Variants in HEXIM2 observed in about 807,000 individuals in gnomAD.
The protein encoded by HEXIM2 is protein HEXIM2.
For missense variants in HEXIM2, 413 were observed against 390.8 expected, an observed-to-expected ratio of 1.06 and a Z score of -0.48; for synonymous variants, 159 against 162.7, an observed-to-expected ratio of 0.98 and a Z score of 0.17.
Position 45,170,003 on chromosome 17 carries a change from A to G in HEXIM2, c.*194A>G, listed in dbSNP as rs1897400245. On this transcript the variant is annotated 3_prime_UTR_variant, in exon 4 of 4. Coordinates refer to ENST00000589230, the MANE Select transcript of HEXIM2 (RefSeq NM_001303441.2). ...GCTCTTTTGTGTCATCTTACCCTTT[A>G]CAGAGAAATTAAATGGCCTTGGTGG... 6.4e-6 allele frequency: 3 copies of G among 467,010 alleles called. No individual in the cohort carries two copies. Among genetic ancestry groups the G allele is most frequent in the Non-Finnish European group, 1.1e-5 (3 of 269,968 alleles). The allele number at this position is 467,010 out of a possible 1,614,324, so 28.9% of individuals were successfully genotyped here.
chr17:45,168,897 A>C, intron 3 of HEXIM2, 118 bp from the exon 4 acceptor site: 1 of 969,916 alleles, frequency 1.0e-6, no homozygotes, highest in African/African-American at 1.6e-5. Flanking sequence ...TGAGGGGCTA[A>C]GAGTGACCAA....
In HEXIM2 at chr17:45,169,359, C is replaced by G. The variant is rs371493294; in HGVS notation, c.411C>G (p.Pro137=). The G allele has an allele frequency of 3.7e-6, 6 of 1,613,800 alleles. No individual in the cohort carries two copies. In the African/African-American group the frequency reaches 8.0e-5, roughly 22 times the overall value. ...VREEMFAKGQ[P]VAPYNTTQFL... ...AAGAGATGTTCGCCAAAGGCCAGCCCGTGGCCCCCTACAACACCACCCAGT... is the reference window on the plus strand; with the variant it reads ...AAGAGATGTTCGCCAAAGGCCAGCCGGTGGCCCCCTACAACACCACCCAGT... Residue 137 remains proline (P), a synonymous_variant, in exon 4 of 4, where the codon CCC becomes CCG. Coordinates refer to ENST00000589230, the MANE Select transcript of HEXIM2 (RefSeq NM_001303441.2).
chr17:45,169,600 C>A lies in HEXIM2; in HGVS notation c.652C>A (p.Leu218Met). ...CAAGCAGGAGCTGGTGCGAGACTAC[C>A]TGGAGCTGGAGAAGCGGCTGTCGCA... ...RSKQELVRDY[L>M]ELEKRLSQAE... is the part of the protein sequence containing the mutation. Residue 218 changes from leucine (L) to methionine (M), a missense_variant, in exon 4 of 4, where the codon CTG becomes ATG. By Grantham distance (15) the Leu-to-Met change is conservative (BLOSUM62 2). Transcript: ENST00000589230. The A allele has an allele frequency of 6.5e-7, 1 of 1,540,826 alleles. No homozygotes were observed. Among genetic ancestry groups the A allele is most frequent in the Non-Finnish European group, 8.8e-7 (1 of 1,141,958 alleles).
intron 3 of HEXIM2, among the ~76,000 whole-genome samples, chr17:45,165,985 C>T (rs1391966827): frequency 5.3e-5 from 8 of 150,938 alleles, no homozygotes; most frequent in East Asian, 2.0e-4. Context: ...TTAGTAGAGA[C>T]GGGGTTTGGC....
chr17:45,161,520 G>GATCTACACCGAA, upstream of HEXIM2: 3 of 161,750 alleles, frequency 1.9e-5, no homozygotes, highest in Admixed American at 1.2e-4. Flanking sequence ...TGGCCGCCGA[G>GATCTACACCGAA]CTTCTCGTCG....
intron 3 of HEXIM2, among the ~76,000 whole-genome samples, chr17:45,167,709 C>G (rs1262881536): frequency 6.6e-6 from 1 of 151,548 alleles, no homozygotes; most frequent in Non-Finnish European, 1.5e-5. Flanking sequence ...TCACTGCAAG[C>G]TCCGCGTCCC....
chr17:45,167,562 T>C (rs2042891548), intron 3 of HEXIM2, among the ~76,000 whole-genome samples: 1 of 152,210 alleles, frequency 6.6e-6, no homozygotes, highest in Middle Eastern at 3.2e-3. Flanking sequence ...TGCACCTCAC[T>C]GCATTCTTGC....
chr17:45,163,842 C>G (rs1206606562), intron 3 of HEXIM2, among the ~76,000 whole-genome samples: 1 of 151,596 alleles, frequency 6.6e-6, no homozygotes, highest in Non-Finnish European at 1.5e-5. Flanking sequence ...GAGTGACACT[C>G]CATCTCAAAA....
Position 45,170,025 on chromosome 17 carries a change from G to A in HEXIM2, c.*216G>A, listed in dbSNP as rs1443737944. 3 of 441,404 alleles carry A rather than the reference G, an allele frequency of 6.8e-6. No individual in the cohort carries two copies. The highest frequency in any genetic ancestry group is 1.2e-5 in the Non-Finnish European group (3 of 252,552). The allele number at this position is 441,404 out of a possible 1,614,324, so 27.3% of individuals were successfully genotyped here. A position where few individuals can be genotyped will look rare whatever the true frequency, so the allele number is the denominator to read the frequency against. On this transcript the variant is annotated 3_prime_UTR_variant, in exon 4 of 4. Transcript: ENST00000589230. ...TTTACAGAGAAATTAAATGGCCTTG[G>A]TGGGACCAAATGGGAGTATCTAGGA...
chr17:45,162,844 C>A lies in HEXIM2; in HGVS notation c.51C>A (p.Ala17=). The A allele has an allele frequency of 1.2e-6, 2 of 1,613,028 alleles. No homozygotes were observed. Among genetic ancestry groups the A allele is most frequent in the Non-Finnish European group, 1.7e-6 (2 of 1,179,572 alleles). ...CCTGTAATGCAGAGTCACCAGTGGC[C>A]CTGGAGGAGGCCAAGGTAAGTCCCT... ...QTACNAESPV[A]LEEAKTSGAP... The change falls in exon 3 of 4, where the codon GCC becomes GCA. Residue 17 remains alanine, a synonymous_variant. Transcript: ENST00000589230.
At chr17:45,161,754 C>A, upstream of HEXIM2, 1 of 849,594 alleles carries the variant, frequency 1.2e-6, no homozygotes, top group Non-Finnish European at 1.4e-6. Flanking sequence ...GCGCGGTCTG[C>A]CCCCGCGCAA....
chr17:45,167,894 C>G (rs1288870445), intron 3 of HEXIM2, among the ~76,000 whole-genome samples: 1 of 149,006 alleles, frequency 6.7e-6, no homozygotes, highest in Non-Finnish European at 1.5e-5. Flanking sequence ...CCTCGCCCGG[C>G]CTGTTTGTTT....
intron 3 of HEXIM2, among the ~76,000 whole-genome samples, chr17:45,168,350 G>A (rs1164395562): frequency 6.6e-6 from 1 of 151,528 alleles, no homozygotes; most frequent in Non-Finnish European, 1.5e-5. Flanking sequence ...AGGCGTGGTG[G>A]CACGTGCCTG....
At chr17:45,164,654 A>G (rs1472053809) in intron 3 of HEXIM2, among the ~76,000 whole-genome samples, 1 of 152,132 alleles carries the variant, frequency 6.6e-6, no homozygotes, top group African/African-American at 2.4e-5. Context: ...AATAATTTGT[A>G]ATGGAGGTGG....
chr17:45,161,741 C>G (rs983642136), upstream of HEXIM2: 7 of 712,360 alleles, frequency 9.8e-6, no homozygotes, highest in African/African-American at 1.2e-4. Flanking sequence ...GGCAGTGATG[C>G]GCGCGCGGTC....
Position 45,169,026 on chromosome 17 carries a change from C to T in HEXIM2, c.78C>T (p.Ala26=), listed in dbSNP as rs764959645. 12 of 1,609,628 alleles carry T rather than the reference C, an allele frequency of 7.5e-6. No homozygotes were observed. The highest frequency in any genetic ancestry group is 1.0e-5 in the Non-Finnish European group (12 of 1,177,434). ...CTCCCTCTCTTTAGACCTCTGGTGC[C>T]CCGGGGAGCCCCCAAACACCCCCTG... ...VALEEAKTSG[A]PGSPQTPPER... The change falls in exon 4 of 4, where the codon GCC becomes GCT. Residue 26 remains alanine (A), a synonymous_variant. Coordinates refer to ENST00000589230, the MANE Select transcript of HEXIM2 (RefSeq NM_001303441.2).
chr17:45,161,484 C>T (rs1419419451), upstream of HEXIM2: 1 of 160,658 alleles, frequency 6.2e-6, no homozygotes, highest in Admixed American at 5.9e-5. Flanking sequence ...CCTCCGCTGC[C>T]TCCTCCCAGC....
chr17:45,162,435 C>A, intron 1 of HEXIM2, 53 bp from the exon 2 acceptor site: 1 of 1,089,560 alleles, frequency 9.2e-7, no homozygotes, highest in South Asian at 2.5e-5. Context: ...GTTGGGGAAA[C>A]AAAACTTACA....
upstream of HEXIM2, chr17:45,161,260 A>G: frequency 2.8e-6 from 1 of 351,746 alleles, no homozygotes; most frequent in South Asian, 2.1e-5. Flanking sequence ...TAATTACCGA[A>G]GAACCCCGCA....
Sources: allele counts gnomAD v4.1 joint callset (sites outside exome capture counted in the v4.1 genomes callset), GRCh38; gene constraint gnomAD v4.1.1; transcripts MANE v1.5; gene names NCBI Gene and HGNC (gene_info 2026-07-23, HGNC 2026-07-21).